The following DDX60L variants were observed in gnomAD, a reference collection of about 807,000 sequenced individuals.
DDX60L encodes the protein probable ATP-dependent RNA helicase DDX60-like.
A neutral mutation model predicts 211.6 loss-of-function variants in DDX60L; 191 were observed. The observed-to-expected ratio is 0.90, with a 90% confidence interval of 0.80 to 1.02. DDX60L has a LOEUF of 1.02. Ranked by LOEUF, DDX60L falls within the 50% of genes least tolerant of loss-of-function variation. The pLI is 0.00. For missense variants in DDX60L, 2,007 were observed against 1,984.1 expected, an observed-to-expected ratio of 1.01 and a Z score of -0.22; for synonymous variants, 706 against 694.1, an observed-to-expected ratio of 1.02 and a Z score of -0.27.
At chr4:168,365,723 C>A (rs760900559) in intron 36 of DDX60L, among the ~76,000 whole-genome samples, 1 of 151,944 alleles carries the variant, frequency 6.6e-6, no homozygotes. Flanking sequence ...ACAGCAACAA[C>A]AACAAAAATT....
rs1760293568 is a variant in DDX60L, at chr4:168,480,486, C to T, written c.-220G>A. On this transcript the variant is annotated 5_prime_UTR_variant, in exon 1 of 38. Coordinates refer to ENST00000682922, the MANE Select transcript of DDX60L (RefSeq NM_001012967.3). ...AGAGCCTGGCGTCGGACTGGGCGCTCTGAGCCACACAGCAGCCAGCGCCTG... is the reference window on the plus strand; with the variant it reads ...AGAGCCTGGCGTCGGACTGGGCGCTTTGAGCCACACAGCAGCCAGCGCCTG... 6.6e-6 allele frequency: 1 copy of T among 152,376 alleles called. No individual in the cohort carries two copies. The highest frequency in any genetic ancestry group is 1.9e-4 in the East Asian group (1 of 5,174). The allele number at this position is 152,376 out of a possible 1,614,324, so 9.4% of individuals were successfully genotyped here.
intron 26 of DDX60L, among the ~76,000 whole-genome samples, chr4:168,398,572 C>G (rs933119314): frequency 1.3e-5 from 2 of 152,178 alleles, no homozygotes; most frequent in Admixed American, 6.5e-5. Context: ...GGCCTGAAAC[C>G]TGGGGGCTGG....
chr4:168,391,556 G>A lies in DDX60L; in HGVS notation c.3899C>T (p.Ala1300Val). Reference protein sequence around the residue: ...VFAQDSVYLDALNYRQMSGRA... With the variant: ...VFAQDSVYLDVLNYRQMSGRA... ...GAGAGTTACCTGTCTGTAATTTAAAGCATCCAGATAGACTGAGTCTTGGGC... is the reference window on the plus strand; with the variant it reads ...GAGAGTTACCTGTCTGTAATTTAAAACATCCAGATAGACTGAGTCTTGGGC... Residue 1300 changes from alanine to valine, a missense_variant, in exon 29 of 38, where the codon GCT becomes GTT. Transcript: ENST00000682922. 1 of 1,601,502 alleles carries A rather than the reference G, an allele frequency of 6.2e-7. No individual in the cohort carries two copies. Among genetic ancestry groups the A allele is most frequent in the Non-Finnish European group, 8.5e-7 (1 of 1,172,166 alleles).
chr4:168,404,231 T>A, intron 24 of DDX60L, 125 bp from the exon 25 acceptor site: 7 of 601,952 alleles, frequency 1.2e-5, no homozygotes, highest in Non-Finnish European at 1.8e-5. Flanking sequence ...GGTGGGTTTT[T>A]AAAATAGTCC....
intron 8 of DDX60L, 49 bp downstream of exon 8, chr4:168,453,075 T>C (rs1377417906): frequency 2.6e-6 from 4 of 1,529,368 alleles, no homozygotes; most frequent in Admixed American, 2.0e-5. Flanking sequence ...AAGGTGATCA[T>C]GGTTTTCATC....
At chr4:168,379,623 A>T (rs922577860) in intron 31 of DDX60L, 103 bp downstream of exon 31, 5 of 1,169,614 alleles carry the variant, frequency 4.3e-6, no homozygotes, top group Middle Eastern at 2.0e-4. Flanking sequence ...GATAAGTAAC[A>T]TTATCATTGA....
At chr4:168,375,234 C>T in intron 34 of DDX60L, 143 bp downstream of exon 34, 1 of 776,608 alleles carries the variant, frequency 1.3e-6, no homozygotes, top group Non-Finnish European at 2.0e-6. Context: ...AAATTGTTTT[C>T]TGGGGATAAA....
chr4:168,473,469 G>C (rs1036986945), intron 1 of DDX60L, among the ~76,000 whole-genome samples: 2 of 152,084 alleles, frequency 1.3e-5, no homozygotes, highest in African/African-American at 4.8e-5. Context: ...ATTTATTGGG[G>C]GGCCATTTTG....
chr4:168,472,148 G>T (rs1758870652), intron 3 of DDX60L, among the ~76,000 whole-genome samples: 1 of 152,156 alleles, frequency 6.6e-6, no homozygotes, highest in Admixed American at 6.5e-5. Context: ...GCTCAGAGAG[G>T]CAAAGGAAAT....
intron 10 of DDX60L, among the ~76,000 whole-genome samples, chr4:168,437,987 C>T (rs2634948): frequency 0.44 from 67,147 of 151,942 alleles, 15,128 homozygotes; most frequent in South Asian, 0.51. Context: ...GATTCTCCTG[C>T]CTCAGCCTCC....
At position 168,472,447 on chromosome 4, in the gene DDX60L, G is replaced by T; in HGVS notation, c.74+8C>A. The stretch of plus-strand genomic sequence containing the variant: ...ATAGCTCCTTCTTTTTTACTTCACA[G>T]TACTTACCCAGCTTTTGGCATTTCA... On this transcript the variant is annotated splice_region_variant and intron_variant, in intron 3 of 37. Coordinates refer to ENST00000682922, the MANE Select transcript of DDX60L (RefSeq NM_001012967.3). The T allele has an allele frequency of 7.1e-6, 11 of 1,552,598 alleles. No homozygotes were observed. The highest frequency in any genetic ancestry group is 9.6e-6 in the Non-Finnish European group (11 of 1,145,044).
chr4:168,375,767 T>C (rs17540032), intron 33 of DDX60L, among the ~76,000 whole-genome samples: 6,116 of 152,276 alleles, frequency 0.04, 167 homozygotes, highest in Non-Finnish European at 0.061. Context: ...ACCAATTTAA[T>C]AGAAACATGT....
At chr4:168,464,698 C>T (rs1237518141) in intron 4 of DDX60L, among the ~76,000 whole-genome samples, 5 of 151,816 alleles carry the variant, frequency 3.3e-5, no homozygotes, top group African/African-American at 4.8e-5. Context: ...TGTGTGTGTG[C>T]GTGTGTTGGA....
intron 9 of DDX60L, among the ~76,000 whole-genome samples, chr4:168,443,307 C>T (rs375016187): frequency 1.1e-4 from 17 of 151,776 alleles, no homozygotes; most frequent in Middle Eastern, 6.8e-3. Context: ...TGAAATGAAG[C>T]GAGAAGGGAA....
At chr4:168,410,549 G>C (rs1041821946) in intron 22 of DDX60L, among the ~76,000 whole-genome samples, 24 of 152,158 alleles carry the variant, frequency 1.6e-4, no homozygotes, top group African/African-American at 5.3e-4. Flanking sequence ...AAGATAAATG[G>C]AACAGCATAA....
chr4:168,400,447 C>T (rs1161782502), intron 26 of DDX60L, among the ~76,000 whole-genome samples: 1 of 152,186 alleles, frequency 6.6e-6, no homozygotes, highest in African/African-American at 2.4e-5. Context: ...ACCACACTAT[C>T]TTCCACAATG....
chr4:168,419,154 A>G (rs1057255648), intron 19 of DDX60L, 148 bp downstream of exon 19: 1 of 493,266 alleles, frequency 2.0e-6, no homozygotes, highest in African/African-American at 2.0e-5. Context: ...AATTGTACTA[A>G]CGTGAATATG....
intron 1 of DDX60L, among the ~76,000 whole-genome samples, chr4:168,473,068 A>C (rs997113461): frequency 2.6e-5 from 4 of 152,218 alleles, no homozygotes; most frequent in Non-Finnish European, 5.9e-5. Flanking sequence ...CAAAAAAAGC[A>C]ATAAAAAGTA....
chr4:168,432,622 G>A, intron 11 of DDX60L, 52 bp from the exon 12 acceptor site: 4 of 1,083,514 alleles, frequency 3.7e-6, no homozygotes, highest in African/African-American at 1.6e-5. Flanking sequence ...TCAAATTTTA[G>A]CACAAACTTC....
Sources: gnomAD v4.1 joint callset for allele counts (sites outside exome capture counted in the v4.1 genomes callset) on GRCh38, gnomAD v4.1.1 for gene constraint, MANE v1.5 for transcripts, NCBI Gene and HGNC (gene_info 2026-07-23, HGNC 2026-07-21) for gene names.